NNT: variants seen among roughly 807,000 people sequenced by gnomAD.
The protein encoded by NNT is nicotinamide nucleotide transhydrogenase, also known as NAD(P) transhydrogenase, mitochondrial.
NNT carries 50 observed loss-of-function variants against 104.8 expected under a neutral mutation model. That is an observed-to-expected ratio of 0.48 (90% confidence interval 0.38 to 0.60). NNT has a LOEUF of 0.60. Among genes scored for constraint, NNT ranks in the 20% least tolerant of loss-of-function variants. The pLI is 0.00. For missense variants in NNT, 1,131 were observed against 1,330.7 expected (o/e 0.85, Z 2.33); for synonymous variants, 461 against 490.4 (o/e 0.94, Z 0.79).
intron 15 of NNT, 144 bp from the exon 16 acceptor site, chr5:43,656,509 A>G (rs1740055504): frequency 3.1e-6 from 2 of 654,160 alleles, no homozygotes; most frequent in Non-Finnish European, 4.9e-6. Context: ...TGGAGGGACT[A>G]GTTGACTTTT....
At chr5:43,661,208 CAGAA>C (rs1388349818) in intron 17 of NNT, among the ~76,000 whole-genome samples, 1 of 151,998 alleles carries the variant, frequency 6.6e-6, no homozygotes, top group Non-Finnish European at 1.5e-5. Context: ...GGCTTTGTGA[CAGAA>C]AGAAGAAACA....
intron 7 of NNT, among the ~76,000 whole-genome samples, chr5:43,634,506 G>A (rs977471638): frequency 6.6e-6 from 1 of 152,104 alleles, no homozygotes; most frequent in Non-Finnish European, 1.5e-5. Flanking sequence ...AAAACTATAT[G>A]CTATAGATCA....
At chr5:43,667,957 C>T (rs1740806711) in intron 17 of NNT, among the ~76,000 whole-genome samples, 1 of 152,182 alleles carries the variant, frequency 6.6e-6, no homozygotes, top group African/African-American at 2.4e-5. Context: ...TACTGATCGC[C>T]ATTCTAACTG....
chr5:43,681,259 CAAA>C (rs559273026), intron 19 of NNT, among the ~76,000 whole-genome samples: 3 of 58,700 alleles, frequency 5.1e-5, no homozygotes. Flanking sequence ...GGCTCCTTCT[CAAA>C]AAAAAAAAAA....
chr5:43,682,805 T>C (rs907963977), intron 19 of NNT, among the ~76,000 whole-genome samples: 1 of 152,208 alleles, frequency 6.6e-6, no homozygotes, highest in Non-Finnish European at 1.5e-5. Context: ...AATTATAATA[T>C]ATACTACTCT....
At chr5:43,644,842 A>G (rs1463803475) in intron 9 of NNT, 40 bp downstream of exon 9, 23 of 1,493,246 alleles carry the variant, frequency 1.5e-5, no homozygotes, top group Non-Finnish European at 2.1e-5. Flanking sequence ...CTTTTAATGT[A>G]AATTTGTTTT....
chr5:43,695,294 T>C (rs1306446417), intron 19 of NNT, among the ~76,000 whole-genome samples: 1 of 152,174 alleles, frequency 6.6e-6, no homozygotes, highest in Non-Finnish European at 1.5e-5. Context: ...TTTAACCTCT[T>C]CCCTGATGCG....
At chr5:43,680,936 T>C (rs1432912754) in intron 19 of NNT, among the ~76,000 whole-genome samples, 2 of 152,056 alleles carry the variant, frequency 1.3e-5, no homozygotes, top group Non-Finnish European at 2.9e-5. Context: ...GATTATATGA[T>C]AGGCTTTTCA....
In NNT at chr5:43,655,847, A is replaced by G. The variant is rs1449943530; in HGVS notation, c.2067A>G (p.Thr689=). ...AMALGGTIGL[T]IAKRIQISDL... is the part of the protein sequence containing the mutation. ...TTTGACCTTTCATAACAGGATTGAC[A>G]ATTGCCAAACGCATCCAGATTTCTG... Residue 689 remains threonine, a synonymous_variant, in exon 15 of 22, where the codon ACA becomes ACG. Transcript: ENST00000344920. 24 of 1,613,652 alleles carry G rather than the reference A, an allele frequency of 1.5e-5. No homozygotes were observed. Among genetic ancestry groups the G allele is most frequent in the Non-Finnish European group, 2.0e-5 (24 of 1,179,640 alleles).
intron 19 of NNT, among the ~76,000 whole-genome samples, chr5:43,682,467 T>A (rs1741774084): frequency 6.6e-6 from 1 of 152,200 alleles, no homozygotes. Context: ...CACCTTGGCT[T>A]CCCAGAGTGC....
intron 7 of NNT, among the ~76,000 whole-genome samples, chr5:43,630,000 G>A (rs1035217425): frequency 9.2e-5 from 14 of 152,186 alleles, no homozygotes; most frequent in South Asian, 2.1e-4. Flanking sequence ...ATTTGTCTTG[G>A]TTTTTGTTAC....
intron 4 of NNT, among the ~76,000 whole-genome samples, chr5:43,618,255 G>A (rs1450770054): frequency 6.6e-6 from 1 of 152,112 alleles, no homozygotes; most frequent in East Asian, 1.9e-4. Flanking sequence ...TAGTCCTCAC[G>A]ACCCTAAAAG....
intron 6 of NNT, among the ~76,000 whole-genome samples, chr5:43,625,695 C>G (rs148663496): frequency 6.4e-4 from 98 of 152,208 alleles, no homozygotes; most frequent in African/African-American, 9.9e-4. Context: ...AGATACCCCT[C>G]TTAGCAATAG....
intron 19 of NNT, among the ~76,000 whole-genome samples, chr5:43,693,409 A>AT (rs1271499579): frequency 1.3e-5 from 2 of 152,256 alleles, no homozygotes; most frequent in South Asian, 2.1e-4. Context: ...TGCTGGAGAA[A>AT]TTTTTTTCCA....
At position 43,666,420 on chromosome 5, in the gene NNT, G is replaced by A. The variant is rs1245603301; in HGVS notation, c.2634+7070G>A. Among the ~76,000 whole-genome samples, 6 of 152,286 alleles carry A rather than the reference G, an allele frequency of 3.9e-5. No individual in the cohort carries two copies. The South Asian group carries it at 6.2e-4, about 16-fold the overall frequency. On this transcript the variant is annotated intron_variant, in intron 17 of 21. Coordinates refer to ENST00000344920, the MANE Select transcript of NNT (RefSeq NM_182977.3). ...AGCCCGGCCAACACGGCGAAACCCC[G>A]TCTCCACCAAAAAATACGAAAACCA... is the stretch of plus-strand genomic sequence containing the variant.
chr5:43,653,350 C>T (rs1289135599), intron 14 of NNT, 137 bp downstream of exon 14: 1 of 777,888 alleles, frequency 1.3e-6, no homozygotes, highest in Non-Finnish European at 2.0e-6. Flanking sequence ...AAAATTCATT[C>T]CAGTTGGTGT....
chr5:43,689,606 C>T (rs1324617040), intron 19 of NNT, among the ~76,000 whole-genome samples: 5 of 152,064 alleles, frequency 3.3e-5, no homozygotes, highest in Admixed American at 2.0e-4. Context: ...CATTATTTCG[C>T]GTGTGGCTTA....
At chr5:43,620,339 C>G (rs1356813219) in intron 5 of NNT, among the ~76,000 whole-genome samples, 1 of 152,104 alleles carries the variant, frequency 6.6e-6, no homozygotes, top group African/African-American at 2.4e-5. Context: ...CCTGCCTCAG[C>G]CTCCTGAGTA....
At chr5:43,667,008 G>C (rs187918316) in intron 17 of NNT, 20 of 1,596,272 alleles carry the variant, frequency 1.3e-5, no homozygotes, top group Admixed American at 6.7e-5. Context: ...TGGGCTTTAC[G>C]AGGGCCTTGA....
Sources: allele counts gnomAD v4.1 joint callset (sites outside exome capture counted in the v4.1 genomes callset), GRCh38; gene constraint gnomAD v4.1.1; transcripts MANE v1.5; gene names NCBI Gene and HGNC (gene_info 2026-07-23, HGNC 2026-07-21).